Variants in EVC2 observed in about 807,000 individuals in gnomAD.
EVC2 encodes the protein limbin.
EVC2 carries 148 observed loss-of-function variants against 149.3 expected under a neutral mutation model. The observed-to-expected ratio is 0.99, with a 90% confidence interval of 0.87 to 1.14. EVC2 has a LOEUF of 1.14. Among genes scored for constraint, EVC2 ranks in the 50% most tolerant of loss-of-function variants. EVC2 has a pLI of 0.00. For missense variants in EVC2, 1,854 were observed against 1,627.3 expected (o/e 1.14, Z -2.40); for synonymous variants, 776 against 649.9 (o/e 1.19, Z -2.95).
chr4:5,631,316 C>T lies in EVC2; in HGVS notation c.1710+477G>A, dbSNP rs138925351. ...TATCATGGCTCACTGTAGCCTCAAC[C>T]TCCTGGGCTCAAGCAATCCTCCCAT... is the stretch of plus-strand genomic sequence containing the variant. On this transcript the variant is annotated intron_variant, in intron 11 of 21. Transcript: ENST00000344408. 6.2e-3 allele frequency among the ~76,000 whole-genome samples: 951 copies of T among 152,292 alleles called. 12 individuals carry two copies. Among genetic ancestry groups the T allele is most frequent in the African/African-American group, 0.021 (891 of 41,552 alleles).
At chr4:5,534,818 G>GAAAAAAAAAA in the EVC2 span, among the ~76,000 whole-genome samples, 1 of 66,886 alleles carries the variant, frequency 1.5e-5, no homozygotes, top group African/African-American at 5.2e-5. Flanking sequence ...CATCTGGTAG[G>GAAAAAAAAAA]AAAAAAAAAA....
chr4:5,706,361 G>A (rs370180623), intron 1 of EVC2, among the ~76,000 whole-genome samples: 1 of 73,516 alleles, frequency 1.4e-5, no homozygotes, highest in Non-Finnish European at 2.6e-5. Flanking sequence ...TAGACACATA[G>A]ATAGATACAT....
chr4:5,694,837 G>A (rs1477395265), intron 2 of EVC2, among the ~76,000 whole-genome samples: 2 of 152,162 alleles, frequency 1.3e-5, no homozygotes, highest in Non-Finnish European at 2.9e-5. Context: ...CTTGAGTCCT[G>A]GCTCTGCCCC....
chr4:5,655,980 A>G (rs536643335), intron 9 of EVC2, among the ~76,000 whole-genome samples: 1 of 152,318 alleles, frequency 6.6e-6, no homozygotes, highest in South Asian at 2.1e-4. Context: ...TGTGCAAGGA[A>G]CCATGTCTAT....
chr4:5,681,379 G>A, intron 6 of EVC2, 66 bp from the exon 7 acceptor site: 1 of 1,551,316 alleles, frequency 6.4e-7, no homozygotes, highest in Non-Finnish European at 8.9e-7. Context: ...GATAACATTT[G>A]GTGCGATTTC....
At position 5,628,645 on chromosome 4, in the gene EVC2, C is replaced by G; in HGVS notation, c.1800G>C (p.Gln600His). 2 of 1,613,930 alleles carry G rather than the reference C, an allele frequency of 1.2e-6. No homozygotes were observed. Among genetic ancestry groups the G allele is most frequent in the Non-Finnish European group, 1.7e-6 (2 of 1,179,996 alleles). Residue 600 changes from glutamine to histidine, a missense_variant, in exon 12 of 22, where the codon CAG becomes CAC. Physicochemically the swap from Gln to His is conservative, Grantham distance 24. Coordinates refer to ENST00000344408, the MANE Select transcript of EVC2 (RefSeq NM_147127.5). The stretch of plus-strand genomic sequence containing the variant: ...CACGGGTCTCTGATGACTGGAGGTT[C>G]TGGACCAGATATTCCCTGTGGCCAA... Reference protein sequence around the residue: ...KRFGHREYLVQNLQSSETRVQ... With the variant: ...KRFGHREYLVHNLQSSETRVQ...
At chr4:5,665,426 G>T in intron 8 of EVC2, 89 bp downstream of exon 8, 1 of 1,594,934 alleles carries the variant, frequency 6.3e-7, no homozygotes. Flanking sequence ...CAATGCTGAT[G>T]GGGATCCAGG....
intron 16 of EVC2, among the ~76,000 whole-genome samples, chr4:5,596,271 T>G (rs1713407865): frequency 6.6e-6 from 1 of 152,328 alleles, no homozygotes; most frequent in Admixed American, 6.5e-5. Context: ...TATACATTTT[T>G]CTCAGCACCA....
chr4:5,533,383 C>G, the EVC2 span, among the ~76,000 whole-genome samples: 1 of 152,222 alleles, frequency 6.6e-6, no homozygotes, highest in South Asian at 2.1e-4. Context: ...ACAGCAAGGG[C>G]AGAAGTGGCT....
chr4:5,635,603 T>G (rs1236938097), intron 10 of EVC2, among the ~76,000 whole-genome samples: 1 of 152,168 alleles, frequency 6.6e-6, no homozygotes, highest in Admixed American at 6.5e-5. Context: ...CATCACAAAG[T>G]GAAATCACGC....
chr4:5,637,688 G>T lies in EVC2; in HGVS notation c.1470+2826C>A, dbSNP rs868100514. On this transcript the variant is annotated intron_variant, in intron 10 of 21. Transcript: ENST00000344408. This position sits in a 1 kb window ranked among gnomAD's most constrained non-coding sequence, Gnocchi z 4.4. Reference sequence around the variant, plus strand: ...GCTAAAATGTATGCTGGCAACTGAGGGCAGGTGTGAAGGCTGCCTGAGCCA... The same window carrying T: ...GCTAAAATGTATGCTGGCAACTGAGTGCAGGTGTGAAGGCTGCCTGAGCCA... Among the ~76,000 whole-genome samples the T allele has an allele frequency of 1.3e-5, 2 of 152,118 alleles. No homozygotes were observed. The highest frequency in any genetic ancestry group is 4.8e-5 in the African/African-American group (2 of 41,422).
At chr4:5,557,716 G>C (rs1296090233), downstream of EVC2, among the ~76,000 whole-genome samples, 6 of 152,218 alleles carry the variant, frequency 3.9e-5, no homozygotes, top group African/African-American at 1.4e-4. Context: ...AGGATAGTAA[G>C]GTTGCAGGAT....
chr4:5,558,433 T>G (rs908764625), downstream of EVC2, among the ~76,000 whole-genome samples: 5 of 152,228 alleles, frequency 3.3e-5, no homozygotes, highest in African/African-American at 1.2e-4. Flanking sequence ...CTTTGTATGA[T>G]AGTGTAATTG....
At chr4:5,552,806 A>G (rs1721765696) in intron 21 of EVC2, among the ~76,000 whole-genome samples, 1 of 152,208 alleles carries the variant, frequency 6.6e-6, no homozygotes, top group Non-Finnish European at 1.5e-5. Flanking sequence ...CTGAAGAGGA[A>G]GCCGAGGTAG....
chr4:5,672,310 C>G (rs1186456114), intron 7 of EVC2, among the ~76,000 whole-genome samples: 4 of 152,194 alleles, frequency 2.6e-5, no homozygotes, highest in Non-Finnish European at 5.9e-5. Flanking sequence ...CCTGACAGAG[C>G]CTTCGAGAGC....
At chr4:5,537,890 A>G (rs1318686825), downstream of EVC2, among the ~76,000 whole-genome samples, 1 of 152,174 alleles carries the variant, frequency 6.6e-6, no homozygotes, top group African/African-American at 2.4e-5. Flanking sequence ...AAAAAAGGAG[A>G]GCATCTTAAA....
chr4:5,599,258 A>G (rs1472104182), intron 16 of EVC2, among the ~76,000 whole-genome samples: 1 of 151,434 alleles, frequency 6.6e-6, no homozygotes, highest in African/African-American at 2.4e-5. Flanking sequence ...GCTGCTATAA[A>G]GACACATGCA....
chr4:5,644,632 T>C (rs1388258485), intron 9 of EVC2, among the ~76,000 whole-genome samples: 2 of 152,174 alleles, frequency 1.3e-5, no homozygotes, highest in Admixed American at 6.5e-5. Context: ...TGCAGTTCAG[T>C]GGTAATAAAT....
At position 5,584,715 on chromosome 4, in the gene EVC2, G is replaced by A. The variant is rs1266534048; in HGVS notation, c.2965C>T (p.Leu989Phe). The change falls in exon 17 of 22, where the codon CTC becomes TTC. Residue 989 changes from leucine to phenylalanine, a missense_variant. Coordinates refer to ENST00000344408, the MANE Select transcript of EVC2 (RefSeq NM_147127.5). ...TCCAGGAGCAAGTCCTGGATGCTGA[G>A]GAGGGCGGTGTAGGCCGACAGAGTC... Reference protein sequence around the residue: ...TETLSAYTALLSIQDLLLEEL... With the variant: ...TETLSAYTALFSIQDLLLEEL... The A allele has an allele frequency of 6.2e-7, 1 of 1,614,200 alleles. No homozygotes were observed. Among genetic ancestry groups the A allele is most frequent in the Middle Eastern group, 1.6e-4 (1 of 6,062 alleles).
Sources: gnomAD v4.1 joint callset for allele counts (sites outside exome capture counted in the v4.1 genomes callset) on GRCh38, gnomAD v4.1.1 for gene constraint, Gnocchi (gnomAD v3.1) non-coding constraint, MANE v1.5 for transcripts, NCBI Gene and HGNC (gene_info 2026-07-23, HGNC 2026-07-21) for gene names.